Variants in ACVR2A observed in about 807,000 individuals in gnomAD.
ACVR2A encodes the protein activin A receptor type 2A, also known as activin receptor type-2A.
ACVR2A carries 7 observed loss-of-function variants against 61.4 expected under a neutral mutation model. The observed-to-expected ratio is 0.11, with a 90% CI of 0.06 to 0.21. The LOEUF (loss-of-function observed/expected upper bound fraction) is 0.21, where lower values mean the gene tolerates loss of function less well. Among genes scored for constraint, ACVR2A ranks in the 10% least tolerant of loss-of-function variants. The pLI is 1.00. For missense variants in ACVR2A, 322 were observed against 621.7 expected (o/e 0.52, Z 5.13); for synonymous variants, 193 against 208.3 (o/e 0.93, Z 0.63).
chr2:147,845,217 G>C lies in ACVR2A; in HGVS notation c.55+10G>C, dbSNP rs747035941. 3 of 1,611,468 alleles carry C rather than the reference G, an allele frequency of 1.9e-6. No homozygotes were observed. Among genetic ancestry groups the C allele is most frequent in the South Asian group, 2.2e-5 (2 of 90,990 alleles). On this transcript the variant is annotated intron_variant, in intron 1 of 10. Transcript: ENST00000241416. ...ATCTCCTGTTCTTCAGGTAGGTGCAGGGAGCGCGGCGCGGTGGGGCTGCTC... is the reference window on the plus strand; with the variant it reads ...ATCTCCTGTTCTTCAGGTAGGTGCACGGAGCGCGGCGCGGTGGGGCTGCTC...
intron 6 of ACVR2A, 63 bp downstream of exon 6, chr2:147,917,489 T>G (rs957557467): frequency 1.3e-6 from 2 of 1,534,542 alleles, no homozygotes; most frequent in Non-Finnish European, 1.8e-6. Flanking sequence ...TAATGCTGGC[T>G]ATAAATCCCT....
At chr2:147,925,564 C>T (rs933666735) in intron 9 of ACVR2A, 1 of 152,028 alleles carries the variant, frequency 6.6e-6, no homozygotes, top group Non-Finnish European at 1.5e-5. Flanking sequence ...GTGCATAATT[C>T]CTCATGTGGG....
chr2:147,860,199 A>G (rs543970848), intron 1 of ACVR2A, among the ~76,000 whole-genome samples: 8 of 152,132 alleles, frequency 5.3e-5, no homozygotes, highest in Non-Finnish European at 1.0e-4. Context: ...CTGGGCTCTT[A>G]ACTCATGCTA....
chr2:147,875,431 CT>C (rs1686129031), intron 1 of ACVR2A, among the ~76,000 whole-genome samples: 1 of 152,018 alleles, frequency 6.6e-6, no homozygotes, highest in African/African-American at 2.4e-5. Flanking sequence ...GTGTTTCGTG[CT>C]TTAAAAATTT....
chr2:147,865,124 T>G (rs890928877), intron 1 of ACVR2A, among the ~76,000 whole-genome samples: 1 of 152,148 alleles, frequency 6.6e-6, no homozygotes, highest in African/African-American at 2.4e-5. Context: ...CTTTCTGAAT[T>G]TATTGCTGCT....
intron 1 of ACVR2A, among the ~76,000 whole-genome samples, chr2:147,878,147 T>C (rs537697919): frequency 6.6e-6 from 1 of 152,322 alleles, no homozygotes; most frequent in East Asian, 1.9e-4. Context: ...AGTGTTAATA[T>C]AGCAAGACTA....
At chr2:147,910,929 T>C (rs1327601067) in intron 4 of ACVR2A, among the ~76,000 whole-genome samples, 3 of 152,150 alleles carry the variant, frequency 2.0e-5, no homozygotes, top group African/African-American at 7.2e-5. Context: ...CATGGTGTAT[T>C]ATGGTGCACG....
chr2:147,922,680 G>A (rs867827992), intron 8 of ACVR2A, among the ~76,000 whole-genome samples: 5 of 151,814 alleles, frequency 3.3e-5, no homozygotes, highest in Admixed American at 6.6e-5. Flanking sequence ...CAAACAGTAT[G>A]CAAAGGTACA....
Position 147,896,477 on chromosome 2 carries a change from TG to T in ACVR2A, c.233del (p.Cys78PhefsTer15). 6.2e-7 allele frequency: 1 copy of T among 1,613,980 alleles called. No individual in the cohort carries two copies. Among genetic ancestry groups the T allele is most frequent in the African/African-American group, 1.3e-5 (1 of 75,028 alleles). On this transcript the variant is annotated frameshift_variant, in exon 2 of 11. Coordinates refer to ENST00000241416, the MANE Select transcript of ACVR2A (RefSeq NM_001616.5). LOFTEE classifies it high-confidence loss of function. ...TTCCATTGAAATAGTGAAACAAGGTTGTTGGCTGGATGATATCAACTGCTAT... is the reference window on the plus strand; with the variant it reads ...TTCCATTGAAATAGTGAAACAAGGTTTTGGCTGGATGATATCAACTGCTAT... ...SGSIEIVKQG[C>X]WLDDINCYDR...
chr2:147,845,131 G>C lies in ACVR2A; in HGVS notation c.-22G>C, dbSNP rs1685272535. The C allele has an allele frequency of 1.2e-6, 2 of 1,606,346 alleles. No individual in the cohort carries two copies. Among genetic ancestry groups the C allele is most frequent in the Admixed American group, 1.7e-5 (1 of 59,420 alleles). ...GGATATCTAGCGAGAACTTCCTCCGGATTCCCCGGCGCCTCGGGAAAATGG... is the reference window on the plus strand; with the variant it reads ...GGATATCTAGCGAGAACTTCCTCCGCATTCCCCGGCGCCTCGGGAAAATGG... On this transcript the variant is annotated 5_prime_UTR_variant, in exon 1 of 11. Coordinates refer to ENST00000241416, the MANE Select transcript of ACVR2A (RefSeq NM_001616.5).
chr2:147,885,763 G>C (rs573342212), intron 1 of ACVR2A, among the ~76,000 whole-genome samples: 19 of 152,172 alleles, frequency 1.2e-4, no homozygotes, highest in African/African-American at 4.1e-4. Flanking sequence ...GGTAAAGTTT[G>C]AATAAAGTTA....
At chr2:147,847,062 T>C (rs1685329710) in intron 1 of ACVR2A, among the ~76,000 whole-genome samples, 1 of 152,028 alleles carries the variant, frequency 6.6e-6, no homozygotes, top group African/African-American at 2.4e-5. Context: ...TAGTTTCTTG[T>C]GGGATTATTT....
intron 4 of ACVR2A, among the ~76,000 whole-genome samples, chr2:147,908,741 CAT>C (rs777179973): frequency 1.1e-4 from 16 of 151,886 alleles, no homozygotes; most frequent in Middle Eastern, 3.2e-3. Context: ...TGTCAGTTTT[CAT>C]ATAGTTTGGA....
In ACVR2A at chr2:147,930,307, C is replaced by A. The variant is rs1350396304; in HGVS notation, c.*3033C>A. 6.6e-6 allele frequency: 1 copy of A among 150,934 alleles called. No homozygotes were observed. The allele number at this position is 150,934 out of a possible 1,614,324, so 9.3% of individuals were successfully genotyped here. ...ATGCAGGTGGTAGGGGAAAAAAAAC[C>A]ATGGCGAGATGGTGGTTTAGTGGAA... On this transcript the variant is annotated 3_prime_UTR_variant, in exon 11 of 11. Transcript: ENST00000241416.
chr2:147,861,211 A>T (rs973482836), intron 1 of ACVR2A, among the ~76,000 whole-genome samples: 16 of 152,214 alleles, frequency 1.1e-4, no homozygotes, highest in Non-Finnish European at 1.9e-4. Flanking sequence ...TTGAATACGA[A>T]CAAGTTATAA....
intron 1 of ACVR2A, among the ~76,000 whole-genome samples, chr2:147,873,084 G>A (rs1253427069): frequency 6.6e-6 from 1 of 151,836 alleles, no homozygotes; most frequent in Non-Finnish European, 1.5e-5. Flanking sequence ...TTAATTGGAT[G>A]AACTAGTTGG....
At chr2:147,925,898 G>A in intron 9 of ACVR2A, 133 bp from the exon 10 acceptor site, 1 of 880,712 alleles carries the variant, frequency 1.1e-6, no homozygotes. Flanking sequence ...TTGAGAGTCT[G>A]TTTCTCTTCT....
In ACVR2A at chr2:147,896,616, C is replaced by T. The variant is rs1400684869; in HGVS notation, c.263+108C>T. On this transcript the variant is annotated intron_variant, in intron 2 of 10. Transcript: ENST00000241416. ...TAAATTTTCACTTAAATGTTTCTTG[C>T]TTTTTAAAAAATGGGATTATAAAGA... 9.3e-6 allele frequency: 10 copies of T among 1,078,292 alleles called. No individual in the cohort carries two copies. In the East Asian group the frequency reaches 2.5e-4, roughly 27 times the overall value. The allele number at this position is 1,078,292 out of a possible 1,614,324, so 66.8% of individuals were successfully genotyped here. A position where few individuals can be genotyped will look rare whatever the true frequency, so the allele number is the denominator to read the frequency against.
At chr2:147,886,609 TAA>T (rs1168338065) in intron 1 of ACVR2A, among the ~76,000 whole-genome samples, 1 of 152,216 alleles carries the variant, frequency 6.6e-6, no homozygotes, top group African/African-American at 2.4e-5. Context: ...TTGATAATTG[TAA>T]AAGATTTACA....
Sources: allele counts gnomAD v4.1 joint callset (sites outside exome capture counted in the v4.1 genomes callset), GRCh38; gene constraint gnomAD v4.1.1; transcripts MANE v1.5; gene names NCBI Gene and HGNC (gene_info 2026-07-23, HGNC 2026-07-21).